Variants in MAGI1 observed in about 807,000 individuals in gnomAD.
MAGI1 encodes the protein membrane-associated guanylate kinase, WW and PDZ domain-containing protein 1.
A neutral mutation model predicts 139.9 loss-of-function variants in MAGI1; 58 were observed. The ratio of observed to expected loss-of-function variants is 0.41; its 90% CI spans 0.34 to 0.52. The LOEUF (loss-of-function observed/expected upper bound fraction) is 0.52, where lower values mean the gene tolerates loss of function less well. Among genes scored for constraint, MAGI1 ranks in the 20% least tolerant of loss-of-function variants. The pLI is 0.12. For synonymous variants in MAGI1, 812 were observed against 737.9 expected (o/e 1.10, Z -1.63); for missense variants, 1,874 against 1,901.6 (o/e 0.99, Z 0.27).
intron 2 of MAGI1, among the ~76,000 whole-genome samples, chr3:65,614,259 C>G (rs1456486994): frequency 6.6e-6 from 1 of 152,142 alleles, no homozygotes; most frequent in Non-Finnish European, 1.5e-5. Flanking sequence ...GCTGGAAGGG[C>G]CTTTCCAGTG....
At chr3:65,691,975 C>A (rs2088704491) in intron 1 of MAGI1, among the ~76,000 whole-genome samples, 1 of 152,124 alleles carries the variant, frequency 6.6e-6, no homozygotes, top group Non-Finnish European at 1.5e-5. Context: ...CATTTCAGAA[C>A]AGAATAAAAT....
At chr3:65,675,894 C>A (rs941196246) in intron 1 of MAGI1, among the ~76,000 whole-genome samples, 3 of 152,168 alleles carry the variant, frequency 2.0e-5, no homozygotes, top group African/African-American at 7.2e-5. Context: ...AATGCTAGAG[C>A]ACAAACAGGG....
intron 1 of MAGI1, among the ~76,000 whole-genome samples, chr3:65,933,839 A>C (rs2062919592): frequency 6.6e-6 from 1 of 152,164 alleles, no homozygotes; most frequent in Admixed American, 6.6e-5. Context: ...ACATATCCCC[A>C]TTCCGGTCAG....
Position 65,998,370 on chromosome 3 carries a change from T to C in MAGI1, c.313+39626A>G, listed in dbSNP as rs1330443969. On this transcript the variant is annotated intron_variant, in intron 1 of 22. Transcript: ENST00000402939. ...TGAATGCCACACAGTTTAGGGTAGT[T>C]TGTTACATAGCTTTTTCGTGCCAAG... 4.6e-5 allele frequency among the ~76,000 whole-genome samples: 7 copies of C among 152,194 alleles called. No individual in the cohort carries two copies. The East Asian group carries it at 7.7e-4, about 17-fold the overall frequency.
intron 2 of MAGI1, among the ~76,000 whole-genome samples, chr3:65,595,626 A>G (rs984384929): frequency 6.6e-6 from 1 of 152,206 alleles, no homozygotes; most frequent in Non-Finnish European, 1.5e-5. Context: ...GACCGATTTA[A>G]GAGCCATAAT....
intron 5 of MAGI1, among the ~76,000 whole-genome samples, chr3:65,465,023 A>G (rs1207966303): frequency 2.7e-5 from 4 of 148,460 alleles, no homozygotes; most frequent in South Asian, 4.2e-4. Flanking sequence ...TATATTTTAT[A>G]TATCTTATAG....
chr3:65,380,738 T>G (rs1942977495), intron 16 of MAGI1: 1 of 152,200 alleles, frequency 6.6e-6, no homozygotes, highest in Admixed American at 6.5e-5. Context: ...TCACATTGCC[T>G]TACTATTTCT....
chr3:65,726,880 A>C (rs887883898), intron 1 of MAGI1, among the ~76,000 whole-genome samples: 1 of 151,974 alleles, frequency 6.6e-6, no homozygotes, highest in African/African-American at 2.4e-5. Context: ...GGCAGAATGG[A>C]ACAGATAAAG....
rs995792066 is a variant in MAGI1, at chr3:65,806,102, A to T, written c.314-184014T>A. 3.3e-5 allele frequency among the ~76,000 whole-genome samples: 5 copies of T among 152,168 alleles called. No individual in the cohort carries two copies. The East Asian group carries it at 7.7e-4, about 23-fold the overall frequency. On this transcript the variant is annotated intron_variant, in intron 1 of 22. Transcript: ENST00000402939. ...TGTATCCTGGAACTTAAAATAAAAT[A>T]TAAAGAAATTTTTTAAAAATTAAAA... is the stretch of plus-strand genomic sequence containing the variant.
At chr3:65,724,400 C>T (rs1021786225) in intron 1 of MAGI1, among the ~76,000 whole-genome samples, 1 of 152,158 alleles carries the variant, frequency 6.6e-6, no homozygotes, top group South Asian at 2.1e-4. Context: ...CTGAGCATAG[C>T]CATAACTTCA....
At chr3:65,753,516 G>C (rs2036321223) in intron 1 of MAGI1, among the ~76,000 whole-genome samples, 1 of 152,042 alleles carries the variant, frequency 6.6e-6, no homozygotes, top group Admixed American at 6.6e-5. Context: ...AGGTTCAGGA[G>C]TTCGAGACCA....
At chr3:65,608,750 T>C (rs1249270952) in intron 2 of MAGI1, among the ~76,000 whole-genome samples, 4 of 152,200 alleles carry the variant, frequency 2.6e-5, no homozygotes, top group African/African-American at 7.2e-5. Flanking sequence ...GCAGAACATA[T>C]GACGACACTG....
chr3:65,853,644 G>A (rs1273332349), intron 1 of MAGI1, among the ~76,000 whole-genome samples: 5 of 152,124 alleles, frequency 3.3e-5, no homozygotes, highest in South Asian at 2.1e-4. Context: ...AACCTGAGAC[G>A]TATCCAAAAA....
At chr3:65,680,136 C>G (rs34083309) in intron 1 of MAGI1, among the ~76,000 whole-genome samples, 9 of 152,124 alleles carry the variant, frequency 5.9e-5, no homozygotes, top group Non-Finnish European at 1.3e-4. Flanking sequence ...CTCACTTTTT[C>G]CTTTGTACAT....
At chr3:65,766,452 C>T (rs1442002871) in intron 1 of MAGI1, among the ~76,000 whole-genome samples, 1 of 152,084 alleles carries the variant, frequency 6.6e-6, no homozygotes, top group Non-Finnish European at 1.5e-5. Flanking sequence ...AGGGATTGTA[C>T]AGCTATTCTC....
At chr3:65,735,843 A>G (rs1193888343) in intron 1 of MAGI1, among the ~76,000 whole-genome samples, 1 of 152,184 alleles carries the variant, frequency 6.6e-6, no homozygotes, top group Admixed American at 6.5e-5. Flanking sequence ...AAATGCTTAG[A>G]ATGTGCCAGG....
intron 1 of MAGI1, among the ~76,000 whole-genome samples, chr3:65,666,978 C>A (rs941916767): frequency 2.0e-5 from 3 of 152,176 alleles, no homozygotes; most frequent in Non-Finnish European, 2.9e-5. Context: ...GACATACCTA[C>A]AATTATCCCA....
intron 1 of MAGI1, among the ~76,000 whole-genome samples, chr3:65,779,650 T>C (rs2038770736): frequency 6.6e-6 from 1 of 152,230 alleles, no homozygotes; most frequent in South Asian, 2.1e-4. Context: ...GATTTATAAG[T>C]CTACTTAGAT....
chr3:65,693,382 G>A (rs374902390), intron 1 of MAGI1, among the ~76,000 whole-genome samples: 19 of 152,290 alleles, frequency 1.2e-4, no homozygotes, highest in African/African-American at 4.1e-4. Context: ...TAAATGCAGA[G>A]CAAGGACTTG....
Sources: allele counts gnomAD v4.1 joint callset (sites outside exome capture counted in the v4.1 genomes callset), GRCh38; gene constraint gnomAD v4.1.1; transcripts MANE v1.5; gene names NCBI Gene and HGNC (gene_info 2026-07-23, HGNC 2026-07-21).